Variants in USF3 observed in about 807,000 individuals in gnomAD.
The protein encoded by USF3 is basic helix-loop-helix domain-containing protein USF3.
In USF3, 29 loss-of-function variants were observed where a neutral mutation model predicts 157.5. That is an observed-to-expected ratio of 0.18 (90% confidence interval 0.14 to 0.25). The LOEUF (loss-of-function observed/expected upper bound fraction) is 0.25, where lower values mean the gene tolerates loss of function less well. Ranked by LOEUF, USF3 falls within the 10% of genes least tolerant of loss-of-function variation. The probability of loss-of-function intolerance (pLI) is 1.00; values close to 1 mark genes in which losing one functional copy is unlikely to be tolerated. For synonymous variants in USF3, 893 were observed against 941.4 expected (o/e 0.95, Z 0.94); for missense variants, 2,381 against 2,667.6 (o/e 0.89, Z 2.37).
chr3:113,650,168 A>C lies in USF3; in HGVS notation c.*4776T>G. The C allele has an allele frequency of 3.2e-6, 1 of 314,698 alleles. No individual in the cohort carries two copies. The highest frequency in any genetic ancestry group is 5.8e-6 in the Non-Finnish European group (1 of 172,182). 19.5% of individuals were successfully genotyped at this position (314,698 alleles called of 1,614,324 possible). ...TGGCTTCCAGGCTCCTAAAGATATC[A>C]CTCCAAAGCTGTTTCATTTTGGTAT... On this transcript the variant is annotated 3_prime_UTR_variant, in exon 7 of 7. Coordinates refer to ENST00000316407, the MANE Select transcript of USF3 (RefSeq NM_001009899.4).
At position 113,652,417 on chromosome 3, in the gene USF3, C is replaced by T. The variant is rs1947280107; in HGVS notation, c.*2527G>A. The T allele has an allele frequency of 1.3e-5, 2 of 151,844 alleles. No homozygotes were observed. Among genetic ancestry groups the T allele is most frequent in the Non-Finnish European group, 2.9e-5 (2 of 67,998 alleles). The allele number at this position is 151,844 out of a possible 1,614,324, so 9.4% of individuals were successfully genotyped here. A position where few individuals can be genotyped will look rare whatever the true frequency, so the allele number is the denominator to read the frequency against. The stretch of plus-strand genomic sequence containing the variant: ...AACTTATTCATGAAGCTCTCCTATT[C>T]TTCCCCAAGACCATTTTGAAGAAAG... On this transcript the variant is annotated 3_prime_UTR_variant, in exon 7 of 7. Transcript: ENST00000316407.
Position 113,660,133 on chromosome 3 carries a change from A to G in USF3, c.1549T>C (p.Ser517Pro). Reference sequence around the variant, plus strand: ...GGAAGGATATTTTTGGGAGGCTGAGATTTAACTTGTGGCTGGGCAATTAGT... The same window carrying G: ...GGAAGGATATTTTTGGGAGGCTGAGGTTTAACTTGTGGCTGGGCAATTAGT... The part of the protein sequence containing the change: ...QPLIAQPQVK[S>P]QPPKNILPLN... Residue 517 changes from serine to proline, a missense_variant, in exon 7 of 7, where the codon TCT becomes CCT. By Grantham distance (74) the Ser-to-Pro change is moderately conservative. Around this residue, in one of 6 missense-constraint regions of USF3, gnomAD observed 1,435 missense variants for 1,550.9 expected, o/e 0.93. Transcript: ENST00000316407. 1 of 1,614,216 alleles carries G rather than the reference A, an allele frequency of 6.2e-7. No homozygotes were observed. Among genetic ancestry groups the G allele is most frequent in the Non-Finnish European group, 8.5e-7 (1 of 1,180,034 alleles).
At chr3:113,678,618 T>C (rs979042964) in intron 1 of USF3, among the ~76,000 whole-genome samples, 1 of 152,206 alleles carries the variant, frequency 6.6e-6, no homozygotes, top group Non-Finnish European at 1.5e-5. Flanking sequence ...AAAGGAACTA[T>C]ACAATATTTT....
intron 1 of USF3, among the ~76,000 whole-genome samples, chr3:113,689,999 A>G (rs1707649388): frequency 6.6e-6 from 1 of 152,222 alleles, no homozygotes; most frequent in Non-Finnish European, 1.5e-5. Context: ...ATGTTTTTGT[A>G]AGAAAGCTAC....
chr3:113,678,401 T>C (rs1386633659), intron 1 of USF3, among the ~76,000 whole-genome samples: 1 of 152,076 alleles, frequency 6.6e-6, no homozygotes, highest in Admixed American at 6.6e-5. Context: ...TCAATGACAC[T>C]AAGGGTCTAT....
Position 113,660,677 on chromosome 3 carries a change from A to C in USF3, c.1005T>G (p.Phe335Leu), listed in dbSNP as rs1226574559. Reference sequence around the variant, plus strand: ...AGACTGTGGTGGTAACTGAAACAACAAAAGTGTTTTGAAAATCACCTCTGA... The same window carrying C: ...AGACTGTGGTGGTAACTGAAACAACCAAAGTGTTTTGAAAATCACCTCTGA... ...QDFRGDFQNT[F>L]VVSVTTTVCS... The change falls in exon 7 of 7, where the codon TTT becomes TTG. Residue 335 changes from phenylalanine (F) to leucine (L), a missense_variant. Phe to Leu is a conservative substitution (Grantham distance 22). Transcript: ENST00000316407. The C allele has an allele frequency of 3.7e-6, 6 of 1,614,060 alleles. No homozygotes were observed. The highest frequency in any genetic ancestry group is 5.1e-6 in the Non-Finnish European group (6 of 1,180,036).
At position 113,660,398 on chromosome 3, in the gene USF3, G is replaced by A. The variant is rs1340672396; in HGVS notation, c.1284C>T (p.Asn428=). 3.1e-6 allele frequency: 5 copies of A among 1,614,160 alleles called. No individual in the cohort carries two copies. The highest frequency in any genetic ancestry group is 4.2e-6 in the Non-Finnish European group (5 of 1,179,986). ...GCAAAGTAGTCCACGTTGTCTGTGT[G>A]TTTCCAGCTGAAGAGATTCGTGTAA... ...NSLTRISSAG[N]TQTTWTTLQL... is the part of the protein sequence containing the mutation. The change falls in exon 7 of 7, where the codon AAC becomes AAT. Residue 428 remains asparagine, a synonymous_variant. Transcript: ENST00000316407.
In USF3 at chr3:113,657,722, G is replaced by T; in HGVS notation, c.3960C>A (p.Ser1320Arg). 1 of 1,614,152 alleles carries T rather than the reference G, an allele frequency of 6.2e-7. No homozygotes were observed. Among genetic ancestry groups the T allele is most frequent in the Non-Finnish European group, 8.5e-7 (1 of 1,180,032 alleles). ...SQIQEPLLKP[S>R]HESRKDSAKR... ...TAGCAGAATCCTTACGGCTTTCATG[G>T]CTTGGCTTTAAGAGTGGCTCTTGAA... The change falls in exon 7 of 7, where the codon AGC becomes AGA. Residue 1320 changes from serine (S) to arginine (R), a missense_variant. Transcript: ENST00000316407.
At chr3:113,672,205 G>A (rs945349464) in intron 4 of USF3, among the ~76,000 whole-genome samples, 23 of 147,716 alleles carry the variant, frequency 1.6e-4, no homozygotes, top group African/African-American at 4.3e-4. Flanking sequence ...GCAATGGCAC[G>A]ATCTCGCTTA....
chr3:113,656,030 A>G lies in USF3; in HGVS notation c.5652T>C (p.Gly1884=), dbSNP rs1458932782. 1.2e-6 allele frequency: 2 copies of G among 1,614,154 alleles called. No homozygotes were observed. The highest frequency in any genetic ancestry group is 3.3e-5 in the Admixed American group (2 of 60,020). Residue 1884 remains glycine, a synonymous_variant, in exon 7 of 7, where the codon GGT becomes GGC. Coordinates refer to ENST00000316407, the MANE Select transcript of USF3 (RefSeq NM_001009899.4). ...QNRESCDMSL[G]AINTRNSTLN... is the part of the protein sequence containing the mutation. ...AGGTGCTGTTCCTGGTGTTAATTGC[A>G]CCTAACGACATGTCACAACTTTCCC...
At chr3:113,668,315 T>A (rs1947601699) in intron 5 of USF3, among the ~76,000 whole-genome samples, 1 of 152,136 alleles carries the variant, frequency 6.6e-6, no homozygotes. Flanking sequence ...AAACTCTGCC[T>A]ACTACAGCAC....
chr3:113,661,469 A>C (rs761116650), intron 6 of USF3, 44 bp from the exon 7 acceptor site: 1 of 1,141,862 alleles, frequency 8.8e-7, no homozygotes, highest in South Asian at 1.6e-5. Context: ...TGAGAATGTC[A>C]GTATTTACAA....
chr3:113,661,015 C>T lies in USF3; in HGVS notation c.667G>A (p.Val223Ile), dbSNP rs775390253. The T allele has an allele frequency of 6.2e-7, 1 of 1,613,990 alleles. No individual in the cohort carries two copies. The highest frequency in any genetic ancestry group is 1.6e-4 in the Middle Eastern group (1 of 6,084). ...TVPALATNQP[V>I]PLCLPAAISA... ...ATGGCAGCAGGAAGACAAAGAGGAA[C>T]AGGCTGGTTGGTAGCCAATGCAGGA... The change falls in exon 7 of 7, where the codon GTT becomes ATT. Residue 223 changes from valine to isoleucine, a missense_variant. Coordinates refer to ENST00000316407, the MANE Select transcript of USF3 (RefSeq NM_001009899.4).
At chr3:113,691,012 AC>A (rs1392602921) in intron 1 of USF3, among the ~76,000 whole-genome samples, 1 of 151,982 alleles carries the variant, frequency 6.6e-6, no homozygotes, top group African/African-American at 2.4e-5. Context: ...ACAAGGCAAA[AC>A]CCCATCTCTA....
At chr3:113,678,915 C>T (rs775729854) in intron 1 of USF3, among the ~76,000 whole-genome samples, 10 of 151,730 alleles carry the variant, frequency 6.6e-5, no homozygotes, top group South Asian at 2.1e-4. Flanking sequence ...CCACTATTCC[C>T]GGCTAATTTT....
chr3:113,689,095 A>C (rs1011156619), intron 1 of USF3, among the ~76,000 whole-genome samples: 7 of 152,088 alleles, frequency 4.6e-5, no homozygotes, highest in Admixed American at 3.9e-4. Context: ...TGTACCTTTC[A>C]CCTCACATCA....
At chr3:113,676,458 G>A (rs1317939949) in intron 2 of USF3, among the ~76,000 whole-genome samples, 1 of 152,138 alleles carries the variant, frequency 6.6e-6, no homozygotes. Flanking sequence ...TGAGCAAAGT[G>A]AGGAAAGCCC....
At chr3:113,687,186 G>A (rs887943055) in intron 1 of USF3, among the ~76,000 whole-genome samples, 1 of 151,336 alleles carries the variant, frequency 6.6e-6, no homozygotes, top group African/African-American at 2.4e-5. Context: ...ATTGGCCATT[G>A]GGTGCTCTTT....
intron 1 of USF3, among the ~76,000 whole-genome samples, chr3:113,686,937 CTT>C (rs756661448): frequency 3.9e-4 from 59 of 151,846 alleles, no homozygotes; most frequent in South Asian, 6.2e-4. Context: ...CCTTTTTGTT[CTT>C]TATATTTTGG....
Sources: allele counts gnomAD v4.1 joint callset (sites outside exome capture counted in the v4.1 genomes callset), GRCh38; gene constraint gnomAD v4.1.1; regional missense constraint gnomAD v4.1.1; transcripts MANE v1.5; gene names NCBI Gene and HGNC (gene_info 2026-07-23, HGNC 2026-07-21).